PDE1A: variants seen among roughly 807,000 people sequenced by gnomAD.
PDE1A encodes dual specificity calcium/calmodulin-dependent 3',5'-cyclic nucleotide phosphodiesterase 1A.
A neutral mutation model predicts 61.7 loss-of-function variants in PDE1A; 35 were observed. The observed-to-expected ratio is 0.57, with a 90% CI of 0.43 to 0.75. The LOEUF (loss-of-function observed/expected upper bound fraction) is 0.75. Ranked by LOEUF, PDE1A falls within the 30% of genes least tolerant of loss-of-function variation. The pLI, the probability that PDE1A is intolerant of heterozygous loss-of-function variation, is 0.00. For missense variants in PDE1A, 597 were observed against 630.6 expected (o/e 0.95, Z 0.57); for synonymous variants, 232 against 213.2 (o/e 1.09, Z -0.77).
At chr2:182,661,917 GC>G in the PDE1A span, among the ~76,000 whole-genome samples, 31 of 151,754 alleles carry the variant, frequency 2.0e-4, no homozygotes, top group Non-Finnish European at 2.7e-4. Context: ...CACACATTCT[GC>G]CCAAATTAAT....
At chr2:182,364,957 C>T (rs1699754204) in intron 1 of PDE1A, among the ~76,000 whole-genome samples, 1 of 152,002 alleles carries the variant, frequency 6.6e-6, no homozygotes, top group Non-Finnish European at 1.5e-5. Flanking sequence ...TAACCCTTAT[C>T]TGGTTTAGGC....
chr2:182,425,756 T>G (rs1703579443), intron 1 of PDE1A, among the ~76,000 whole-genome samples: 1 of 152,210 alleles, frequency 6.6e-6, no homozygotes, highest in East Asian at 1.9e-4. Context: ...TAACATGTAG[T>G]ATCTCTGCTT....
At chr2:182,368,610 T>G (rs1699965783) in intron 1 of PDE1A, among the ~76,000 whole-genome samples, 1 of 151,926 alleles carries the variant, frequency 6.6e-6, no homozygotes, top group Admixed American at 6.6e-5. Context: ...ATAATAAACT[T>G]AGGGCTGCAA....
chr2:182,698,360 T>C, the PDE1A span, among the ~76,000 whole-genome samples: 2 of 151,346 alleles, frequency 1.3e-5, no homozygotes, highest in African/African-American at 2.4e-5. Context: ...AAATCTGAAA[T>C]AGCAAAGGCT....
chr2:182,167,208 C>A (rs1691695255), downstream of PDE1A, among the ~76,000 whole-genome samples: 1 of 152,100 alleles, frequency 6.6e-6, no homozygotes, highest in Non-Finnish European at 1.5e-5. Context: ...TCTTGGTAAA[C>A]TCCCTAACAA....
chr2:182,257,316 C>CG (rs1213323374), intron 2 of PDE1A, among the ~76,000 whole-genome samples: 5 of 152,074 alleles, frequency 3.3e-5, no homozygotes, highest in African/African-American at 1.2e-4. Flanking sequence ...GTTTTTTAAA[C>CG]CTTAATAGTT....
At chr2:182,399,039 G>A (rs1034022069) in intron 1 of PDE1A, among the ~76,000 whole-genome samples, 1 of 151,954 alleles carries the variant, frequency 6.6e-6, no homozygotes, top group Non-Finnish European at 1.5e-5. Flanking sequence ...TTTGATGACC[G>A]TCAAGGATGA....
downstream of PDE1A, among the ~76,000 whole-genome samples, chr2:182,167,441 C>G (rs1284504075): frequency 6.6e-6 from 1 of 152,074 alleles, no homozygotes; most frequent in Non-Finnish European, 1.5e-5. Flanking sequence ...AATGCTAAAT[C>G]CCCACCGCAA....
At chr2:182,279,704 C>T (rs1039722824) in intron 1 of PDE1A, among the ~76,000 whole-genome samples, 1 of 151,852 alleles carries the variant, frequency 6.6e-6, no homozygotes, top group Admixed American at 6.6e-5. Context: ...TTTACAAATA[C>T]ATATAGTTTT....
At chr2:182,270,766 C>T (rs918715269) in intron 1 of PDE1A, among the ~76,000 whole-genome samples, 2 of 151,180 alleles carry the variant, frequency 1.3e-5, no homozygotes, top group East Asian at 1.9e-4. Flanking sequence ...TAAGCAGAAG[C>T]GCATGAAATC....
intron 2 of PDE1A, among the ~76,000 whole-genome samples, chr2:182,474,963 A>G (rs992323473): frequency 6.6e-6 from 1 of 151,952 alleles, no homozygotes; most frequent in Non-Finnish European, 1.5e-5. Flanking sequence ...TGGGAAATGG[A>G]TCATGTCTGA....
intron 2 of PDE1A, among the ~76,000 whole-genome samples, chr2:182,255,471 A>T (rs1456495842): frequency 6.6e-6 from 1 of 152,146 alleles, no homozygotes; most frequent in Non-Finnish European, 1.5e-5. Flanking sequence ...TTAGCAGCTC[A>T]TTATTCATAC....
intron 1 of PDE1A, 92 bp from the exon 2 acceptor site, chr2:182,264,506 AT>A: frequency 2.4e-6 from 2 of 824,484 alleles, no homozygotes; most frequent in Non-Finnish European, 3.8e-6. Flanking sequence ...CTCAGTTAAG[AT>A]TTTTAACATA....
exon 10 of PDE1A, chr2:182,201,476 C>A (rs369181374): frequency 1.5e-5 from 24 of 1,613,808 alleles, no homozygotes; most frequent in Non-Finnish European, 2.0e-5. Flanking sequence ...CATGGTCCAC[C>A]GATAATGCAG....
chr2:182,655,727 G>A, the PDE1A span, among the ~76,000 whole-genome samples: 8 of 152,124 alleles, frequency 5.3e-5, no homozygotes, highest in Admixed American at 3.9e-4. Context: ...CAGTAGGTGG[G>A]GGTCACCTCT....
At chr2:182,428,528 A>G (rs1002119514), upstream of PDE1A, among the ~76,000 whole-genome samples, 1 of 152,168 alleles carries the variant, frequency 6.6e-6, no homozygotes, top group Non-Finnish European at 1.5e-5. Flanking sequence ...ATGATCAATA[A>G]GTACCAATGA....
At chr2:182,691,289 G>A in the PDE1A span, among the ~76,000 whole-genome samples, 1 of 152,140 alleles carries the variant, frequency 6.6e-6, no homozygotes, top group Admixed American at 6.5e-5. Flanking sequence ...ATACTACAAG[G>A]CTACAGTAAC....
the PDE1A span, among the ~76,000 whole-genome samples, chr2:182,639,074 T>TCTTTTGG: frequency 2.6e-5 from 4 of 152,258 alleles, no homozygotes; most frequent in Non-Finnish European, 5.9e-5. Context: ...GCAGGAAAAC[T>TCTTTTGG]TACCAAAAGA....
chr2:182,365,757 T>C (rs1018231169), intron 1 of PDE1A, among the ~76,000 whole-genome samples: 1 of 152,078 alleles, frequency 6.6e-6, no homozygotes, highest in South Asian at 2.1e-4. Context: ...TGATTGAACA[T>C]ATGCTAAAAA....
Sources: gnomAD v4.1 joint callset for allele counts (sites outside exome capture counted in the v4.1 genomes callset) on GRCh38, gnomAD v4.1.1 for gene constraint, MANE v1.5 for transcripts, NCBI Gene and HGNC (gene_info 2026-07-23, HGNC 2026-07-21) for gene names.